The following PCDHA1 variants were observed in gnomAD, a reference collection of about 807,000 sequenced individuals.
The protein encoded by PCDHA1 is protocadherin alpha 1, also known as protocadherin alpha-1.
A neutral mutation model predicts 61.3 loss-of-function variants in PCDHA1; 42 were observed. The ratio of observed to expected loss-of-function variants is 0.69; its 90% CI spans 0.54 to 0.89. The LOEUF (loss-of-function observed/expected upper bound fraction) is 0.89, where lower values mean the gene tolerates loss of function less well. Ranked by LOEUF, PCDHA1 falls within the 40% of genes least tolerant of loss-of-function variation. The pLI is 0.00. For synonymous variants in PCDHA1, 610 were observed against 553.8 expected (o/e 1.10, Z -1.43); for missense variants, 1,256 against 1,235.3 (o/e 1.02, Z -0.25).
chr5:140,914,052 G>T (rs1485469381), intron 1 of PCDHA1, among the ~76,000 whole-genome samples: 1 of 152,172 alleles, frequency 6.6e-6, no homozygotes, highest in East Asian at 1.9e-4. Flanking sequence ...TTCTGCAGCT[G>T]TTGGATGAAA....
intron 1 of PCDHA1, among the ~76,000 whole-genome samples, chr5:140,941,011 C>T (rs1554213684): frequency 6.6e-6 from 1 of 152,124 alleles, no homozygotes; most frequent in African/African-American, 2.4e-5. Context: ...TTTTCCTTTC[C>T]TATTTTCCTT....
At chr5:140,842,829 C>A (rs2150345601) in intron 1 of PCDHA1, 3 of 1,593,748 alleles carry the variant, frequency 1.9e-6, no homozygotes, top group Admixed American at 3.4e-5. Flanking sequence ...GGCGAGCGCT[C>A]GCTGTCGAGC....
chr5:141,009,746 T>C lies in PCDHA1; in HGVS notation c.2662T>C (p.Phe888Leu). ...CGGTCCCGGTGAGTTGCCCGACAAA[T>C]TCATTATCCCAGGATCTCCTGCAAT... ...QSGPGELPDK[F>L]IIPGSPAIIS... The change falls in exon 4 of 4, where the codon TTC becomes CTC. Residue 888 changes from phenylalanine to leucine, a missense_variant. Transcript: ENST00000504120. 6.2e-7 allele frequency: 1 copy of C among 1,614,062 alleles called. No homozygotes were observed. Among genetic ancestry groups the C allele is most frequent in the Non-Finnish European group, 8.5e-7 (1 of 1,180,018 alleles).
intron 1 of PCDHA1, among the ~76,000 whole-genome samples, chr5:140,839,780 T>G (rs1258121900): frequency 2.0e-5 from 3 of 152,092 alleles, no homozygotes; most frequent in African/African-American, 7.2e-5. Context: ...GGTAAGAATT[T>G]TGTAGAAATT....
chr5:140,870,426 C>A (rs574302735), intron 1 of PCDHA1: 1 of 1,614,090 alleles, frequency 6.2e-7, no homozygotes, highest in Non-Finnish European at 8.5e-7. Context: ...CCAGGGTATC[C>A]GTGGAGGTGG....
intron 1 of PCDHA1, chr5:140,969,060 A>T (rs2096292130): frequency 6.2e-7 from 1 of 1,614,012 alleles, no homozygotes. Context: ...AACAATATTG[A>T]TGCCAGGATA....
Position 140,807,458 on chromosome 5 carries a change from G to A in PCDHA1, c.2394+18774G>A, listed in dbSNP as rs1763938347. ...CATTTTGTTTGTGAATTCTCGGATCGACCGGGAGGAGCTGTGCCGGCGGAG... is the reference window on the plus strand; with the variant it reads ...CATTTTGTTTGTGAATTCTCGGATCAACCGGGAGGAGCTGTGCCGGCGGAG... On this transcript the variant is annotated intron_variant, in intron 1 of 3. Transcript: ENST00000504120. The A allele has an allele frequency of 6.2e-7, 1 of 1,608,234 alleles. No individual in the cohort carries two copies.
chr5:140,968,201 C>T, intron 1 of PCDHA1: 1 of 1,614,032 alleles, frequency 6.2e-7, no homozygotes, highest in Non-Finnish European at 8.5e-7. Context: ...CATCTACATA[C>T]AGGAGAACAA....
At chr5:140,851,161 T>C in intron 1 of PCDHA1, 1 of 1,297,820 alleles carries the variant, frequency 7.7e-7, no homozygotes, top group East Asian at 2.8e-5. Flanking sequence ...TCTGATGCTA[T>C]GCTGCCATAA....
chr5:140,805,396 G>A, intron 1 of PCDHA1: 1 of 1,084,042 alleles, frequency 9.2e-7, no homozygotes, highest in Non-Finnish European at 1.1e-6. Flanking sequence ...GTTTCTGTTT[G>A]ATTCAGAAAT....
At chr5:140,883,924 G>T (rs1554180605) in intron 1 of PCDHA1, 14 of 1,613,506 alleles carry the variant, frequency 8.7e-6, no homozygotes, top group Non-Finnish European at 1.1e-5. Context: ...TGACGCTGCA[G>T]GTGTTCGTGC....
intron 1 of PCDHA1, among the ~76,000 whole-genome samples, chr5:140,956,090 C>T (rs964801271): frequency 1.3e-5 from 2 of 152,162 alleles, no homozygotes; most frequent in Non-Finnish European, 2.9e-5. Flanking sequence ...ATGTCATCTG[C>T]AAACAAAGAT....
rs1763519362 is a variant in PCDHA1, at chr5:140,805,159, A to G, written c.2394+16475A>G. 3 of 1,552,538 alleles carry G rather than the reference A, an allele frequency of 1.9e-6. No individual in the cohort carries two copies. The African/African-American group carries it at 4.1e-5, about 21-fold the overall frequency. On this transcript the variant is annotated intron_variant, in intron 1 of 3. Transcript: ENST00000504120. ...TTGAAGACTTTGGAATTTTCACTTC[A>G]CAGATGTACTGATGCTATGCCAAAT...
chr5:140,818,428 T>G (rs1180551475), intron 1 of PCDHA1, among the ~76,000 whole-genome samples: 1 of 152,252 alleles, frequency 6.6e-6, no homozygotes, highest in Admixed American at 6.5e-5. Context: ...AATATATTTC[T>G]AACTTGGGTA....
In PCDHA1 at chr5:140,968,374, C is replaced by T. The variant is rs782537254; in HGVS notation, c.2395-10575C>T. On this transcript the variant is annotated intron_variant, in intron 1 of 3. Coordinates refer to ENST00000504120, the MANE Select transcript of PCDHA1 (RefSeq NM_018900.4). ...GTGGCAGCCTTTATGCTGTCAACTC[C>T]TTTGACTATGAGAAGTTTCGGGAGT... is the stretch of plus-strand genomic sequence containing the variant. 5.0e-6 allele frequency: 8 copies of T among 1,614,064 alleles called. No homozygotes were observed. The Admixed American group carries it at 1.0e-4, about 20-fold the overall frequency.
rs199714982 is a variant in PCDHA1, at chr5:140,967,252, G to T, written c.2395-11697G>T. On this transcript the variant is annotated intron_variant, in intron 1 of 3. Coordinates refer to ENST00000504120, the MANE Select transcript of PCDHA1 (RefSeq NM_018900.4). ...AGCTTCAGGTAAGCGAATCGGTGGC[G>T]CCTGGAGCGCGCTTTCACATAGAGA... 6.0e-5 allele frequency: 97 copies of T among 1,613,386 alleles called. 1 individual carries two copies. Among genetic ancestry groups the T allele is most frequent in the Non-Finnish European group, 8.0e-5 (94 of 1,179,870 alleles).
At chr5:140,797,053 A>C (rs782011696) in intron 1 of PCDHA1, 1 of 1,613,726 alleles carries the variant, frequency 6.2e-7, no homozygotes, top group Non-Finnish European at 8.5e-7. Context: ...GGTGGATGTC[A>C]ACGTGTACCT....
intron 1 of PCDHA1, chr5:140,841,440 A>C: frequency 6.2e-7 from 1 of 1,612,980 alleles, no homozygotes; most frequent in South Asian, 1.1e-5. Flanking sequence ...GAGGAGGCCA[A>C]ACACGGCACC....
intron 1 of PCDHA1, chr5:140,823,108 G>A (rs138806648): frequency 6.2e-7 from 1 of 1,613,958 alleles, no homozygotes; most frequent in Non-Finnish European, 8.5e-7. Flanking sequence ...TGTGGAAGTG[G>A]CCGACGTGAA....
Sources: gnomAD v4.1 joint callset for allele counts (sites outside exome capture counted in the v4.1 genomes callset) on GRCh38, gnomAD v4.1.1 for gene constraint, MANE v1.5 for transcripts, NCBI Gene and HGNC (gene_info 2026-07-23, HGNC 2026-07-21) for gene names.